Variants in CCDC33 observed in about 807,000 individuals in gnomAD.
CCDC33 encodes coiled-coil domain containing 33.
A neutral mutation model predicts 91.9 loss-of-function variants in CCDC33; 94 were observed. The ratio of observed to expected loss-of-function variants is 1.02; its 90% CI spans 0.87 to 1.21. The LOEUF is 1.21. CCDC33 is among the 50% of genes most tolerant of loss of function. CCDC33 has a pLI of 0.00. For synonymous variants in CCDC33, 396 were observed against 374.5 expected (o/e 1.06, Z -0.66); for missense variants, 940 against 935.5 (o/e 1.00, Z -0.06).
intron 6 of CCDC33, among the ~76,000 whole-genome samples, chr15:74,272,233 G>T (rs1167194682): frequency 1.3e-5 from 2 of 152,006 alleles, no homozygotes; most frequent in African/African-American, 4.8e-5. Flanking sequence ...TCCAGCCAGT[G>T]GTTGGCCCCA....
chr15:74,224,011 GT>G (rs2074704105), intron 2 of CCDC33, among the ~76,000 whole-genome samples: 1 of 152,124 alleles, frequency 6.6e-6, no homozygotes, highest in Non-Finnish European at 1.5e-5. Flanking sequence ...GCTGAGCCCC[GT>G]TAAAAGCTAC....
intron 11 of CCDC33, among the ~76,000 whole-genome samples, chr15:74,324,008 G>T (rs566724783): frequency 6.7e-6 from 1 of 148,876 alleles, no homozygotes; most frequent in African/African-American, 2.5e-5. Flanking sequence ...CAGGAGAATT[G>T]CCTGAACCCG....
At chr15:74,254,744 C>CTTTTTT (rs756927130) in intron 2 of CCDC33, among the ~76,000 whole-genome samples, 2 of 126,416 alleles carry the variant, frequency 1.6e-5, no homozygotes, top group African/African-American at 3.0e-5. Context: ...TACCCTCCTT[C>CTTTTTT]TTTTTTTTTT....
intron 2 of CCDC33, among the ~76,000 whole-genome samples, chr15:74,256,189 G>A (rs921526973): frequency 5.9e-5 from 9 of 152,282 alleles, no homozygotes; most frequent in African/African-American, 2.2e-4. Flanking sequence ...GGCCATCCAG[G>A]CTCCAGTCGC....
At chr15:74,220,126 G>C (rs1181633596) in intron 2 of CCDC33, among the ~76,000 whole-genome samples, 1 of 152,146 alleles carries the variant, frequency 6.6e-6, no homozygotes, top group East Asian at 1.9e-4. Context: ...TGCAGGGTTT[G>C]TGCGGGAGAA....
chr15:74,289,585 G>A (rs2059546875), intron 10 of CCDC33, among the ~76,000 whole-genome samples: 1 of 152,210 alleles, frequency 6.6e-6, no homozygotes, highest in Non-Finnish European at 1.5e-5. Flanking sequence ...ATCGTGTTGT[G>A]CACCTGTAGT....
chr15:74,335,125 G>T, intron 18 of CCDC33, 37 bp downstream of exon 18: 2 of 1,522,444 alleles, frequency 1.3e-6, no homozygotes, highest in South Asian at 1.1e-5. Flanking sequence ...CAGGGGTTCA[G>T]GTGGTGGAGC....
intron 1 of CCDC33, chr15:74,243,616 G>T (rs1196799995): frequency 2.2e-6 from 1 of 456,344 alleles, no homozygotes; most frequent in Non-Finnish European, 4.4e-6. Flanking sequence ...GAAGCTGTGA[G>T]TGGCTAGTGC....
At chr15:74,311,124 T>C (rs918813969) in intron 11 of CCDC33, among the ~76,000 whole-genome samples, 2 of 152,082 alleles carry the variant, frequency 1.3e-5, no homozygotes, top group Admixed American at 6.5e-5. Context: ...TCTGCTCTCC[T>C]GTGACACTGA....
chr15:74,325,469 G>A (rs1355836647), intron 11 of CCDC33, among the ~76,000 whole-genome samples: 1 of 151,996 alleles, frequency 6.6e-6, no homozygotes, highest in Non-Finnish European at 1.5e-5. Flanking sequence ...CTGGGGCTAG[G>A]AAAAGAGACT....
intron 2 of CCDC33, among the ~76,000 whole-genome samples, chr15:74,256,680 G>A (rs1031993793): frequency 1.8e-4 from 28 of 152,248 alleles, no homozygotes; most frequent in East Asian, 7.7e-4. Context: ...TGCAGACAGC[G>A]GCCCTTCCTG....
intron 7 of CCDC33, among the ~76,000 whole-genome samples, chr15:74,274,436 G>A (rs973155325): frequency 2.0e-5 from 3 of 152,218 alleles, no homozygotes; most frequent in Non-Finnish European, 4.4e-5. Context: ...CTGCCCACCA[G>A]TGCTTATGTC....
intron 2 of CCDC33, among the ~76,000 whole-genome samples, chr15:74,258,153 C>T (rs1034312618): frequency 6.6e-6 from 1 of 152,222 alleles, no homozygotes; most frequent in Non-Finnish European, 1.5e-5. Context: ...CCCAATACCT[C>T]CTATTCCACC....
At chr15:74,294,444 A>T (rs1031597397) in intron 10 of CCDC33, among the ~76,000 whole-genome samples, 117 of 1,598 alleles carry the variant, frequency 0.073, no homozygotes, top group Middle Eastern at 0.5. Flanking sequence ...TTTTATTTAA[A>T]AAAAAAAAAC....
At chr15:74,282,433 C>T (rs1053235769) in intron 10 of CCDC33, among the ~76,000 whole-genome samples, 5 of 152,266 alleles carry the variant, frequency 3.3e-5, no homozygotes, top group East Asian at 3.9e-4. Context: ...ACAATGGCCC[C>T]GTTCATCTTA....
chr15:74,297,729 G>A (rs1037196111), intron 11 of CCDC33, among the ~76,000 whole-genome samples: 1 of 152,064 alleles, frequency 6.6e-6, no homozygotes, highest in Non-Finnish European at 1.5e-5. Flanking sequence ...AACAGGCCAG[G>A]AAAGAAAGAA....
downstream of CCDC33, chr15:74,336,249 C>A: frequency 7.0e-7 from 1 of 1,423,418 alleles, no homozygotes; most frequent in Non-Finnish European, 9.2e-7. Flanking sequence ...TACAGCCTCC[C>A]GCCTGCCCCA....
chr15:74,272,990 AG>A lies in CCDC33; in HGVS notation c.759+100del, dbSNP rs541529268. 456 of 1,481,012 alleles carry A rather than the reference AG, an allele frequency of 3.1e-4. 4 individuals carry two copies. In the African/African-American group the frequency reaches 3.1e-3, roughly 10 times the overall value. The allele number at this position is 1,481,012 out of a possible 1,614,324, so 91.7% of individuals were successfully genotyped here. On this transcript the variant is annotated intron_variant, in intron 7 of 18. Transcript: ENST00000398814. ...CAGTCAGCAGTTCCCTTGACTATCGAGTAAGAGTTGACTGAATCCCACGGCA... is the reference window on the plus strand; with the variant it reads ...CAGTCAGCAGTTCCCTTGACTATCGATAAGAGTTGACTGAATCCCACGGCA...
At chr15:74,294,094 T>G (rs1013033145) in intron 10 of CCDC33, among the ~76,000 whole-genome samples, 2 of 152,260 alleles carry the variant, frequency 1.3e-5, no homozygotes, top group African/African-American at 4.8e-5. Flanking sequence ...GAGGCCCACC[T>G]GCATTCATTC....
Sources: gnomAD v4.1 joint callset for allele counts (sites outside exome capture counted in the v4.1 genomes callset) on GRCh38, gnomAD v4.1.1 for gene constraint, MANE v1.5 for transcripts, NCBI Gene and HGNC (gene_info 2026-07-23, HGNC 2026-07-21) for gene names.